SLC44A1: variants seen among roughly 807,000 people sequenced by gnomAD.
SLC44A1 encodes the protein solute carrier family 44 member 1.
Under a neutral mutation model 79.3 loss-of-function variants are expected in SLC44A1, and 26 were observed. The observed-to-expected ratio is 0.33, with a 90% CI of 0.24 to 0.46. SLC44A1 has a LOEUF of 0.46. SLC44A1 is among the 20% of genes least tolerant of loss of function. SLC44A1 has a pLI of 1.00. For synonymous variants in SLC44A1, 263 were observed against 286.2 expected (o/e 0.92, Z 0.82); for missense variants, 688 against 798.1 (o/e 0.86, Z 1.66).
intron 14 of SLC44A1, among the ~76,000 whole-genome samples, chr9:105,384,797 G>A (rs1410839): frequency 0.79 from 120,393 of 152,138 alleles, 49,546 homozygotes; most frequent in East Asian, 1. Flanking sequence ...CCCCGTAAAC[G>A]TTGACAGAAT....
At chr9:105,333,123 T>C (rs964587551) in intron 3 of SLC44A1, among the ~76,000 whole-genome samples, 1 of 152,200 alleles carries the variant, frequency 6.6e-6, no homozygotes, top group Non-Finnish European at 1.5e-5. Context: ...GTTAGAAATA[T>C]AATAGGGATA....
At chr9:105,365,382 G>A in intron 10 of SLC44A1, 101 bp from the exon 11 acceptor site, 1 of 814,968 alleles carries the variant, frequency 1.2e-6, no homozygotes, top group South Asian at 1.8e-5. Context: ...AGAATGATGA[G>A]CTGATTTTTT....
intron 1 of SLC44A1, among the ~76,000 whole-genome samples, chr9:105,264,406 A>T (rs377281357): frequency 6.6e-6 from 1 of 152,238 alleles, no homozygotes; most frequent in African/African-American, 2.4e-5. Context: ...GGCTCAAGTG[A>T]TCCTCCTGCT....
In SLC44A1 at chr9:105,402,975, CTTTTTTTTTT is replaced by C. The variant is rs780060821; in HGVS notation, c.1950+17489_1950+17498del. On this transcript the variant is annotated intron_variant, in intron 15 of 15. Transcript: ENST00000374724. Reference sequence around the variant, plus strand: ...TACAGGCATGCACCTTCACACCCAGCTTTTTTTTTTTTTTTTTTTTTTTTTGGAAAGGCAG... The same window carrying C: ...TACAGGCATGCACCTTCACACCCAGCTTTTTTTTTTTTTTTGGAAAGGCAG... Among the ~76,000 whole-genome samples, 11 of 66,378 alleles carry C rather than the reference CTTTTTTTTTT, an allele frequency of 1.7e-4. No individual in the cohort carries two copies. In the South Asian group the frequency reaches 5.4e-3, roughly 33 times the overall value. The allele number at this position is 66,378 out of a possible 152,430, so 43.5% of individuals were successfully genotyped here. A position where few individuals can be genotyped will look rare whatever the true frequency, so the allele number is the denominator to read the frequency against.
chr9:105,423,022 C>G (rs1829274414), intron 15 of SLC44A1, among the ~76,000 whole-genome samples: 1 of 152,070 alleles, frequency 6.6e-6, no homozygotes, highest in Admixed American at 6.5e-5. Flanking sequence ...ATTGAATGAA[C>G]AAAGGAAAAC....
intron 15 of SLC44A1, among the ~76,000 whole-genome samples, chr9:105,408,745 C>A (rs1328039304): frequency 1.3e-5 from 2 of 152,086 alleles, no homozygotes; most frequent in Non-Finnish European, 2.9e-5. Flanking sequence ...ATTTAAAAGG[C>A]AAATGCATAA....
At chr9:105,320,740 TCA>T (rs1826368137) in intron 3 of SLC44A1, among the ~76,000 whole-genome samples, 1 of 152,118 alleles carries the variant, frequency 6.6e-6, no homozygotes, top group South Asian at 2.1e-4. Flanking sequence ...CCCATGCATG[TCA>T]CCATGCATGT....
chr9:105,245,136 C>T (rs1435803280), intron 1 of SLC44A1, among the ~76,000 whole-genome samples: 1 of 152,026 alleles, frequency 6.6e-6, no homozygotes, highest in Non-Finnish European at 1.5e-5. Context: ...AGTGCGCCCT[C>T]AGCTCTTCCC....
intron 15 of SLC44A1, chr9:105,386,417 TC>T: frequency 1.0e-6 from 1 of 982,526 alleles, no homozygotes; most frequent in Non-Finnish European, 1.2e-6. Context: ...CATATAATGT[TC>T]AAAAGTGTGA....
At chr9:105,297,222 CA>C (rs1396971155) in intron 1 of SLC44A1, among the ~76,000 whole-genome samples, 1 of 152,122 alleles carries the variant, frequency 6.6e-6, no homozygotes, top group African/African-American at 2.4e-5. Flanking sequence ...AAGGCAATAA[CA>C]AAGCATTTGT....
At chr9:105,380,343 C>A (rs78172203) in intron 13 of SLC44A1, among the ~76,000 whole-genome samples, 1 of 151,944 alleles carries the variant, frequency 6.6e-6, no homozygotes, top group East Asian at 1.9e-4. Flanking sequence ...AGAACAGGAA[C>A]GTCTATTTTT....
At chr9:105,247,541 C>A (rs1363391896) in intron 1 of SLC44A1, among the ~76,000 whole-genome samples, 1 of 152,196 alleles carries the variant, frequency 6.6e-6, no homozygotes, top group Non-Finnish European at 1.5e-5. Flanking sequence ...GGGTGATCTA[C>A]CCACCTCGGC....
At chr9:105,336,796 C>T (rs907346023) in intron 4 of SLC44A1, among the ~76,000 whole-genome samples, 1 of 152,178 alleles carries the variant, frequency 6.6e-6, no homozygotes, top group African/African-American at 2.4e-5. Flanking sequence ...ATCCCTGTTC[C>T]GTTGTTCCAT....
intron 3 of SLC44A1, among the ~76,000 whole-genome samples, chr9:105,310,930 T>TAA (rs1831164033): frequency 6.6e-6 from 1 of 152,346 alleles, no homozygotes; most frequent in East Asian, 1.9e-4. Context: ...TAGCATGTGA[T>TAA]ACCACCCTGT....
chr9:105,322,081 G>T (rs908655662), intron 3 of SLC44A1, among the ~76,000 whole-genome samples: 13 of 152,296 alleles, frequency 8.5e-5, no homozygotes, highest in African/African-American at 2.9e-4. Flanking sequence ...GTAAGACAAT[G>T]AAATGGGAAT....
At chr9:105,333,281 T>C (rs1437782944) in intron 3 of SLC44A1, among the ~76,000 whole-genome samples, 1 of 152,080 alleles carries the variant, frequency 6.6e-6, no homozygotes, top group Non-Finnish European at 1.5e-5. Flanking sequence ...TTTTCTACTG[T>C]GATGTGATTT....
At chr9:105,436,322 G>A (rs1829463526) in intron 15 of SLC44A1, among the ~76,000 whole-genome samples, 2 of 152,188 alleles carry the variant, frequency 1.3e-5, no homozygotes, top group Non-Finnish European at 2.9e-5. Context: ...TCATAACCAA[G>A]CAACAATCAG....
intron 15 of SLC44A1, among the ~76,000 whole-genome samples, chr9:105,432,742 T>C (rs1829412899): frequency 6.6e-6 from 1 of 152,218 alleles, no homozygotes. Flanking sequence ...TTCTGCTCAG[T>C]GCAAGTACTA....
chr9:105,342,931 G>A (rs1363654798), intron 4 of SLC44A1, among the ~76,000 whole-genome samples: 1 of 151,278 alleles, frequency 6.6e-6, no homozygotes. Flanking sequence ...CTTGAGCTCA[G>A]GAGTTCAAGG....
Sources: gnomAD v4.1 joint callset for allele counts (sites outside exome capture counted in the v4.1 genomes callset) on GRCh38, gnomAD v4.1.1 for gene constraint, MANE v1.5 for transcripts, NCBI Gene and HGNC (gene_info 2026-07-23, HGNC 2026-07-21) for gene names.